Variants in AFDN observed in about 807,000 individuals in gnomAD.
AFDN encodes the protein afadin, adherens junction formation factor, also known as afadin.
A neutral mutation model predicts 216.6 loss-of-function variants in AFDN; 68 were observed. The ratio of observed to expected loss-of-function variants is 0.31; its 90% confidence interval spans 0.26 to 0.38. The LOEUF is 0.38. Ranked by LOEUF, AFDN falls within the 10% of genes least tolerant of loss-of-function variation. The probability of loss-of-function intolerance (pLI) is 1.00; values close to 1 mark genes in which losing one functional copy is unlikely to be tolerated. For missense variants in AFDN, 2,136 were observed against 2,342.0 expected, an observed-to-expected ratio of 0.91 and a Z score of 1.82; for synonymous variants, 868 against 853.7, an observed-to-expected ratio of 1.02 and a Z score of -0.29.
intron 20 of AFDN, 48 bp downstream of exon 20, chr6:167,917,280 T>C (rs1562669131): frequency 7.1e-7 from 1 of 1,416,404 alleles, no homozygotes. Flanking sequence ...CATGTTTGCA[T>C]GGGGACATTT....
rs375077108 is a variant in AFDN, at chr6:167,943,166, C to T, written c.3137C>T (p.Ser1046Leu). 3 of 1,613,814 alleles carry T rather than the reference C, an allele frequency of 1.9e-6. No individual in the cohort carries two copies. The highest frequency in any genetic ancestry group is 2.2e-5 in the East Asian group (1 of 44,884). ...GATAAACTAGGAATCTATGTGAAGT[C>T]GGTTGTGAAAGGAGGTGCTGCAGAT... Reference protein sequence around the residue: ...GQDKLGIYVKSVVKGGAADVD... With the variant: ...GQDKLGIYVKLVVKGGAADVD... Residue 1046 changes from serine to leucine, a missense_variant, in exon 24 of 34, where the codon TCG becomes TTG. Ser to Leu is a moderately radical substitution (Grantham distance 145). This residue lies in a region of AFDN where 74 missense variants were observed against 98.8 expected (regional missense o/e 0.75). Transcript: ENST00000683244.
intron 6 of AFDN, among the ~76,000 whole-genome samples, chr6:167,887,398 G>A (rs1786983455): frequency 6.7e-6 from 1 of 148,796 alleles, no homozygotes; most frequent in South Asian, 2.1e-4. Context: ...CAAATCAGGA[G>A]GTAATTATTG....
At chr6:167,894,397 G>A (rs1301842901) in intron 9 of AFDN, among the ~76,000 whole-genome samples, 2 of 152,186 alleles carry the variant, frequency 1.3e-5, no homozygotes, top group Non-Finnish European at 2.9e-5. Context: ...ACTTTGGGCA[G>A]AAATTGACTA....
chr6:167,968,864 T>A (rs557735707), intron 32 of AFDN: 7 of 446,852 alleles, frequency 1.6e-5, no homozygotes, highest in African/African-American at 9.9e-5. Context: ...GTGGGCAGTA[T>A]TCCTCCCTCA....
rs1192910989 is a variant in AFDN at position 167,959,221 on chromosome 6, T to G, written c.4834-3212T>G. 2.0e-5 allele frequency among the ~76,000 whole-genome samples: 3 copies of G among 152,206 alleles called. No individual in the cohort carries two copies. In the East Asian group the frequency reaches 5.8e-4, roughly 29 times the overall value. On this transcript the variant is annotated intron_variant, in intron 30 of 33. Transcript: ENST00000683244. ...ACTTCTAATAAAATGGTCATTTTAC[T>G]TAAATCTGAAAAAAGTGTGTGGGCT...
upstream of AFDN, chr6:167,826,882 G>GC (rs1480237767): frequency 6.9e-6 from 1 of 144,088 alleles, no homozygotes; most frequent in East Asian, 2.0e-4. Context: ...GCGCGGGCGG[G>GC]TGCGGGCGGC....
chr6:167,879,331 T>C (rs1407184366), intron 5 of AFDN, among the ~76,000 whole-genome samples: 2 of 152,184 alleles, frequency 1.3e-5, no homozygotes, highest in South Asian at 2.1e-4. Flanking sequence ...AAAGAGAGTA[T>C]GAGAAATATT....
intron 9 of AFDN, among the ~76,000 whole-genome samples, chr6:167,895,469 C>T (rs901745992): frequency 6.6e-6 from 1 of 152,140 alleles, no homozygotes; most frequent in African/African-American, 2.4e-5. Flanking sequence ...TGAAGCAGCA[C>T]AGATGATGAA....
chr6:167,971,482 C>A lies in AFDN; in HGVS notation c.*1547C>A. 5.1e-6 allele frequency: 1 copy of A among 194,784 alleles called. No individual in the cohort carries two copies. The highest frequency in any genetic ancestry group is 1.1e-5 in the Non-Finnish European group (1 of 93,954). 12.1% of individuals were successfully genotyped at this position (194,784 alleles called of 1,614,324 possible). On this transcript the variant is annotated 3_prime_UTR_variant, in exon 34 of 34. Coordinates refer to ENST00000683244, the MANE Select transcript of AFDN (RefSeq NM_001386888.1). ...ATTTGAAAGTGTGCTCTTACCATTTCCTTGTTTGAGTAAGAGAGTGAATGG... is the reference window on the plus strand; with the variant it reads ...ATTTGAAAGTGTGCTCTTACCATTTACTTGTTTGAGTAAGAGAGTGAATGG...
chr6:167,947,211 C>G (rs965188062), intron 27 of AFDN, among the ~76,000 whole-genome samples: 1 of 150,150 alleles, frequency 6.7e-6, no homozygotes, highest in Non-Finnish European at 1.5e-5. Flanking sequence ...GTCTCACTCT[C>G]TCGCCCAGGC....
chr6:167,855,691 A>G (rs1474172785), intron 1 of AFDN, among the ~76,000 whole-genome samples: 1 of 152,144 alleles, frequency 6.6e-6, no homozygotes, highest in South Asian at 2.1e-4. Flanking sequence ...CTGGAATAAC[A>G]TCAGGAATTT....
intron 1 of AFDN, among the ~76,000 whole-genome samples, chr6:167,837,628 A>G (rs753006888): frequency 6.6e-6 from 1 of 152,170 alleles, no homozygotes; most frequent in Non-Finnish European, 1.5e-5. Context: ...TGTGTATGTT[A>G]TCTTTTTACG....
chr6:167,910,559 C>A (rs547715606), intron 13 of AFDN, among the ~76,000 whole-genome samples: 1 of 152,166 alleles, frequency 6.6e-6, no homozygotes, highest in Non-Finnish European at 1.5e-5. Flanking sequence ...TAGAACATCT[C>A]TTTATAAGGC....
In AFDN at chr6:167,870,379, G is replaced by GAAA; in HGVS notation, c.302-5_302-4insAAA. The GAAA allele has an allele frequency of 6.5e-7, 1 of 1,539,150 alleles. No individual in the cohort carries two copies. Among genetic ancestry groups the GAAA allele is most frequent in the Non-Finnish European group, 8.9e-7 (1 of 1,124,862 alleles). On this transcript the variant is annotated splice_region_variant and splice_polypyrimidine_tract_variant and intron_variant, in intron 2 of 33. Transcript: ENST00000683244. ...TATTCTTTTTTTCATTTCATGTTTT[G>GAAA]AAGAAGAAAGAAGATTGGATATAGA...
chr6:167,828,785 TTTTGAGAGA>T (rs1450931750), intron 1 of AFDN, among the ~76,000 whole-genome samples: 2 of 151,522 alleles, frequency 1.3e-5, no homozygotes, highest in African/African-American at 2.4e-5. Context: ...TTTTTTTTTT[TTTTGAGAGA>T]TTTCTCAAGT....
At chr6:167,910,257 T>G (rs1440416146) in intron 13 of AFDN, among the ~76,000 whole-genome samples, 2 of 152,244 alleles carry the variant, frequency 1.3e-5, no homozygotes, top group Non-Finnish European at 1.5e-5. Context: ...TACAAATGTG[T>G]ATTCAACTGA....
rs1268633265 is a variant in AFDN at position 167,911,094 on chromosome 6, C to T, written c.1770-7C>T. On this transcript the variant is annotated splice_polypyrimidine_tract_variant and splice_region_variant and intron_variant, in intron 13 of 33. Coordinates refer to ENST00000683244, the MANE Select transcript of AFDN (RefSeq NM_001386888.1). ...TATTTTAAGTGATGTCAGCTTTCTT[C>T]TTTTAGAACACAGGATGCTTCTGGG... 1.9e-6 allele frequency: 3 copies of T among 1,610,628 alleles called. No individual in the cohort carries two copies. Among genetic ancestry groups the T allele is most frequent in the Non-Finnish European group, 2.5e-6 (3 of 1,178,960 alleles).
intron 8 of AFDN, among the ~76,000 whole-genome samples, chr6:167,893,171 G>A (rs1198086900): frequency 6.6e-6 from 1 of 152,182 alleles, no homozygotes; most frequent in Non-Finnish European, 1.5e-5. Context: ...CTAAGGGTTG[G>A]TGGCAGGCCT....
chr6:167,917,224 A>T lies in AFDN; in HGVS notation c.2701A>T (p.Ile901Phe), dbSNP rs760710347. The T allele has an allele frequency of 2.5e-6, 4 of 1,593,174 alleles. No individual in the cohort carries two copies. Among genetic ancestry groups the T allele is most frequent in the African/African-American group, 1.4e-5 (1 of 73,850 alleles). Reference protein sequence around the residue: ...NYHCAPDEPFIPTDLIENVVT... With the variant: ...NYHCAPDEPFFPTDLIENVVT... ...TCACTGTGCACCTGATGAGCCTTTTATCCCAACGGTGAGTGGATGTTGCCA... is the reference window on the plus strand; with the variant it reads ...TCACTGTGCACCTGATGAGCCTTTTTTCCCAACGGTGAGTGGATGTTGCCA... The change falls in exon 20 of 34, where the codon ATC becomes TTC. Residue 901 changes from isoleucine to phenylalanine, a missense_variant. Physicochemically the swap from Ile to Phe is conservative, Grantham distance 21 (BLOSUM62 0). This residue lies in a region of AFDN where 162 missense variants were observed against 182.6 expected (regional missense o/e 0.89). Coordinates refer to ENST00000683244, the MANE Select transcript of AFDN (RefSeq NM_001386888.1).
Sources: allele counts gnomAD v4.1 joint callset (sites outside exome capture counted in the v4.1 genomes callset), GRCh38; gene constraint gnomAD v4.1.1; regional missense constraint gnomAD v4.1.1; transcripts MANE v1.5; gene names NCBI Gene and HGNC (gene_info 2026-07-23, HGNC 2026-07-21).